Variants in PTPRK observed in about 807,000 individuals in gnomAD.
The protein encoded by PTPRK is receptor-type tyrosine-protein phosphatase kappa.
A neutral mutation model predicts 178.0 loss-of-function variants in PTPRK; 75 were observed. That is an observed-to-expected ratio of 0.42 (90% CI 0.35 to 0.51). The LOEUF is 0.51. Among genes scored for constraint, PTPRK ranks in the 20% least tolerant of loss-of-function variants. The pLI is 0.02. For missense variants in PTPRK, 1,441 were observed against 1,797.8 expected (o/e 0.80, Z 3.59); for synonymous variants, 637 against 620.6 (o/e 1.03, Z -0.39).
chr6:128,468,322 A>T (rs1215876384), intron 1 of PTPRK, among the ~76,000 whole-genome samples: 1 of 152,142 alleles, frequency 6.6e-6, no homozygotes, highest in Admixed American at 6.6e-5. Context: ...CACACACACA[A>T]TCTTAGACCA....
chr6:128,400,626 T>G (rs374918076), intron 1 of PTPRK, among the ~76,000 whole-genome samples: 2 of 152,140 alleles, frequency 1.3e-5, no homozygotes, highest in East Asian at 1.9e-4. Context: ...GTTTCAACCT[T>G]GTAACAGAGA....
intron 3 of PTPRK, among the ~76,000 whole-genome samples, chr6:128,271,408 C>T (rs1430129192): frequency 6.6e-6 from 1 of 152,130 alleles, no homozygotes; most frequent in African/African-American, 2.4e-5. Context: ...GATGAAAGCA[C>T]TGCAGGGAGG....
rs1295724018 is a variant in PTPRK, at chr6:128,078,847, A to G, written c.1849T>C (p.Leu617=). Residue 617 remains leucine (L), a synonymous_variant, in exon 11 of 30, where the codon TTG becomes CTG. Transcript: ENST00000368226. ...GCACCTTTGGCTTGTGCTGGTCTCA[A>G]CAATACAGTTATTGTGGTGGCAGTT... The part of the protein sequence containing the change: ...NETATTITVL[L]RPAQAKGAPI... The G allele has an allele frequency of 6.2e-7, 1 of 1,612,372 alleles. No homozygotes were observed. Among genetic ancestry groups the G allele is most frequent in the Admixed American group, 1.7e-5 (1 of 59,864 alleles).
At chr6:128,102,831 A>T (rs1289796792) in intron 7 of PTPRK, among the ~76,000 whole-genome samples, 1 of 152,168 alleles carries the variant, frequency 6.6e-6, no homozygotes, top group Non-Finnish European at 1.5e-5. Flanking sequence ...CTATCTCAGT[A>T]AAGTCACTCC....
At chr6:128,299,550 C>T in intron 3 of PTPRK, among the ~76,000 whole-genome samples, 1 of 150,950 alleles carries the variant, frequency 6.6e-6, no homozygotes, top group East Asian at 1.9e-4. Flanking sequence ...CAGAACAGAG[C>T]CCTCAGAAAT....
chr6:128,063,148 C>T (rs1781153439), intron 13 of PTPRK, among the ~76,000 whole-genome samples: 1 of 152,104 alleles, frequency 6.6e-6, no homozygotes, highest in East Asian at 1.9e-4. Context: ...TTACTCACTA[C>T]ACCACACCAC....
intron 6 of PTPRK, among the ~76,000 whole-genome samples, chr6:128,216,565 A>C (rs1230229419): frequency 6.6e-6 from 1 of 151,920 alleles, no homozygotes; most frequent in Admixed American, 6.6e-5. Context: ...AAAAGGTCAA[A>C]ATTTTCAATG....
At chr6:128,126,003 A>T (rs1339424448) in intron 7 of PTPRK, among the ~76,000 whole-genome samples, 1 of 150,968 alleles carries the variant, frequency 6.6e-6, no homozygotes, top group African/African-American at 2.4e-5. Flanking sequence ...TATATTTAAG[A>T]CTCAAGCATG....
intron 3 of PTPRK, among the ~76,000 whole-genome samples, chr6:128,283,501 T>C (rs1046638423): frequency 6.6e-6 from 1 of 152,164 alleles, no homozygotes; most frequent in African/African-American, 2.4e-5. Flanking sequence ...TTAGAAAGCA[T>C]GAACTTTTAT....
chr6:128,430,261 G>A (rs1844662287), intron 1 of PTPRK, among the ~76,000 whole-genome samples: 1 of 152,146 alleles, frequency 6.6e-6, no homozygotes, highest in African/African-American at 2.4e-5. Context: ...GTTTAATTCT[G>A]TACTTTTAAC....
At chr6:128,328,104 A>G (rs778231317) in intron 2 of PTPRK, among the ~76,000 whole-genome samples, 7 of 152,220 alleles carry the variant, frequency 4.6e-5, no homozygotes, top group Non-Finnish European at 8.8e-5. Context: ...TCCACTGTGC[A>G]GTACCACCAA....
chr6:128,047,906 TG>T (rs1778338609), intron 13 of PTPRK, among the ~76,000 whole-genome samples: 1 of 151,952 alleles, frequency 6.6e-6, no homozygotes, highest in Non-Finnish European at 1.5e-5. Flanking sequence ...GAGAACCTCA[TG>T]GTTGTTAGGG....
chr6:128,238,127 C>G, intron 5 of PTPRK: 2 of 426,026 alleles, frequency 4.7e-6, no homozygotes, highest in Non-Finnish European at 9.1e-6. Context: ...AAGAATGAGG[C>G]AATGTCCATG....
intron 7 of PTPRK, among the ~76,000 whole-genome samples, chr6:128,144,535 G>C (rs1249710207): frequency 6.6e-6 from 1 of 152,062 alleles, no homozygotes; most frequent in East Asian, 1.9e-4. Flanking sequence ...CCTCAGAGAG[G>C]ACTGATGTTT....
chr6:128,473,404 A>ATTTTTTTTTTTTTTTTTTTTT (rs67418131), intron 1 of PTPRK, among the ~76,000 whole-genome samples: 1 of 90,872 alleles, frequency 1.1e-5, no homozygotes, highest in Admixed American at 1.3e-4. Flanking sequence ...TATGGTTACT[A>ATTTTTTTTTTTTTTTTTTTTT]TTTTTTTTTT....
At chr6:128,311,797 T>C (rs956942852) in intron 3 of PTPRK, among the ~76,000 whole-genome samples, 3 of 152,150 alleles carry the variant, frequency 2.0e-5, no homozygotes, top group Admixed American at 6.5e-5. Context: ...CCAGAGCCTA[T>C]GTGTTTCTTC....
intron 1 of PTPRK, among the ~76,000 whole-genome samples, chr6:128,516,186 G>T (rs1248792788): frequency 1.3e-5 from 2 of 152,140 alleles, no homozygotes; most frequent in Non-Finnish European, 1.5e-5. Context: ...AAGAGTAGGA[G>T]GGAGTGTGGG....
intron 3 of PTPRK, chr6:128,321,255 T>C (rs1828745698): frequency 6.6e-6 from 1 of 152,666 alleles, no homozygotes. Flanking sequence ...AATCTCAAGG[T>C]CTAACACAAA....
intron 13 of PTPRK, among the ~76,000 whole-genome samples, chr6:128,017,630 G>A (rs1266590765): frequency 6.7e-6 from 1 of 150,134 alleles, no homozygotes; most frequent in Admixed American, 6.7e-5. Context: ...TATAGTTTTA[G>A]CATCCCCCTT....
Sources: gnomAD v4.1 joint callset for allele counts (sites outside exome capture counted in the v4.1 genomes callset) on GRCh38, gnomAD v4.1.1 for gene constraint, MANE v1.5 for transcripts, NCBI Gene and HGNC (gene_info 2026-07-23, HGNC 2026-07-21) for gene names.